Variants in SEC61A1 observed in about 807,000 individuals in gnomAD.
SEC61A1 encodes the protein protein transport protein Sec61 subunit alpha isoform 1.
SEC61A1 carries 15 observed loss-of-function variants against 55.2 expected under a neutral mutation model. The ratio of observed to expected loss-of-function variants is 0.27; its 90% CI spans 0.18 to 0.42. The LOEUF is 0.42. SEC61A1 is among the 10% of genes least tolerant of loss of function. The pLI, the probability that SEC61A1 is intolerant of heterozygous loss-of-function variation, is 1.00. For missense variants in SEC61A1, 284 were observed against 602.6 expected (o/e 0.47, Z 5.53); for synonymous variants, 247 against 234.0 (o/e 1.06, Z -0.51).
upstream of SEC61A1, chr3:128,051,863 C>T (rs1256753825): frequency 1.3e-6 from 2 of 1,536,042 alleles, no homozygotes; most frequent in South Asian, 2.4e-5. Flanking sequence ...CCCACACCCA[C>T]GACAAGCCTC....
chr3:128,064,740 G>A (rs1941910620), intron 7 of SEC61A1, 137 bp from the exon 8 acceptor site: 4 of 660,364 alleles, frequency 6.1e-6, no homozygotes, highest in Non-Finnish European at 1.0e-5. Flanking sequence ...AATACATGCT[G>A]TATCCCTGTG....
Position 128,060,491 on chromosome 3 carries a change from T to C in SEC61A1, c.463-17T>C. 6.2e-7 allele frequency: 1 copy of C among 1,613,704 alleles called. No individual in the cohort carries two copies. The highest frequency in any genetic ancestry group is 8.5e-7 in the Non-Finnish European group (1 of 1,179,672). ...GGGAGCAGTAACACATAGTCTTGTA[T>C]TTTTGAATTTTTACAGCTCTTTGTT... On this transcript the variant is annotated splice_polypyrimidine_tract_variant and intron_variant, in intron 6 of 11. Transcript: ENST00000243253.
At position 128,065,612 on chromosome 3, in the gene SEC61A1, G is replaced by A. The variant is rs531220201; in HGVS notation, c.777+575G>A. ...GAAAGGCAGTTTGATGTTTGTGAAA[G>A]GTATTTATACGAGCTACATGCTTTT... is the stretch of plus-strand genomic sequence containing the variant. On this transcript the variant is annotated intron_variant, in intron 8 of 11. Coordinates refer to ENST00000243253, the MANE Select transcript of SEC61A1 (RefSeq NM_013336.4). 2.0e-5 allele frequency among the ~76,000 whole-genome samples: 3 copies of A among 152,100 alleles called. No individual in the cohort carries two copies. In the East Asian group the frequency reaches 5.8e-4, roughly 29 times the overall value.
intron 7 of SEC61A1, among the ~76,000 whole-genome samples, chr3:128,064,551 A>G (rs1451584145): frequency 6.6e-6 from 1 of 152,194 alleles, no homozygotes; most frequent in African/African-American, 2.4e-5. Context: ...AGTCTGAGAT[A>G]GGATCACTTG....
At chr3:128,051,667 A>G, upstream of SEC61A1, 2 of 1,425,882 alleles carry the variant, frequency 1.4e-6, no homozygotes, top group Non-Finnish European at 1.8e-6. Context: ...TTTGCCCACA[A>G]CAGTCTCCTC....
upstream of SEC61A1, chr3:128,052,002 T>C (rs1049558740): frequency 3.1e-5 from 30 of 961,828 alleles, no homozygotes; most frequent in East Asian, 3.4e-4. Flanking sequence ...ATAAGGTCCC[T>C]GCTCCAGGGA....
chr3:128,066,116 T>G (rs1941970197), intron 8 of SEC61A1, among the ~76,000 whole-genome samples: 4 of 152,120 alleles, frequency 2.6e-5, no homozygotes, highest in Non-Finnish European at 5.9e-5. Flanking sequence ...AAATAAACCC[T>G]TTCTAGTCTC....
Position 128,067,198 on chromosome 3 carries a change from G to A in SEC61A1, c.975+47G>A, listed in dbSNP as rs746146263. On this transcript the variant is annotated intron_variant, in intron 9 of 11. Transcript: ENST00000243253. This position sits in a 1 kb window ranked among gnomAD's most constrained non-coding sequence, Gnocchi z 4.1. ...GAGCTAGCAATGCAGCTAAGTTGCA[G>A]TGGTTTCTATCAGTGTCTTGCTCAT... The A allele has an allele frequency of 1.3e-6, 2 of 1,553,508 alleles. No individual in the cohort carries two copies. Among genetic ancestry groups the A allele is most frequent in the East Asian group, 2.2e-5 (1 of 44,534 alleles).
Position 128,067,337 on chromosome 3 carries a change from T to C in SEC61A1, c.976-84T>C. ...GTGGGCACCGAGTAAAATTGCATTC[T>C]TTCATCTGCTCAGAACTATTTTTGC... On this transcript the variant is annotated intron_variant, in intron 9 of 11. Coordinates refer to ENST00000243253, the MANE Select transcript of SEC61A1 (RefSeq NM_013336.4). This position sits in a 1 kb window ranked among gnomAD's most constrained non-coding sequence, Gnocchi z 4.1. 1 of 1,445,262 alleles carries C rather than the reference T, an allele frequency of 6.9e-7. No homozygotes were observed. The highest frequency in any genetic ancestry group is 2.0e-5 in the Admixed American group (1 of 49,048). The allele number at this position is 1,445,262 out of a possible 1,614,324, so 89.5% of individuals were successfully genotyped here.
rs1941699517 is a variant in SEC61A1 at position 128,052,455 on chromosome 3, G to A, written c.-98G>A. ...TAGCACTGACGTGTCTCTCGGCGGA[G>A]CTGCTGTGCAGTGGAACGCGCTGGG... is the stretch of plus-strand genomic sequence containing the variant. On this transcript the variant is annotated 5_prime_UTR_variant, in exon 1 of 12. Coordinates refer to ENST00000243253, the MANE Select transcript of SEC61A1 (RefSeq NM_013336.4). The A allele has an allele frequency of 6.8e-7, 1 of 1,470,246 alleles. No homozygotes were observed. Among genetic ancestry groups the A allele is most frequent in the Non-Finnish European group, 9.0e-7 (1 of 1,109,494 alleles). 91.1% of individuals were successfully genotyped at this position (1,470,246 alleles called of 1,614,324 possible).
intron 5 of SEC61A1, among the ~76,000 whole-genome samples, chr3:128,057,939 A>G (rs2107642915): frequency 6.6e-6 from 1 of 152,142 alleles, no homozygotes; most frequent in Non-Finnish European, 1.5e-5. Context: ...TGATCTGGGG[A>G]AAAGTTAGAT....
rs181439417 is a variant in SEC61A1 at position 128,056,288 on chromosome 3, T to C, written c.221-421T>C. On this transcript the variant is annotated intron_variant, in intron 4 of 11. Coordinates refer to ENST00000243253, the MANE Select transcript of SEC61A1 (RefSeq NM_013336.4). ...CCAAATCAGTTGGAAGTGTAGCTCA[T>C]TTTAACATAATGGGAAGTAGAGGCT... 9.3e-4 allele frequency among the ~76,000 whole-genome samples: 142 copies of C among 152,344 alleles called. 1 individual carries two copies. The highest frequency in any genetic ancestry group is 3.4e-3 in the Middle Eastern group (1 of 294).
In SEC61A1 at chr3:128,071,254, C is replaced by T. The variant is rs1942159310; in HGVS notation, c.*1592C>T. 1 of 152,560 alleles carries T rather than the reference C, an allele frequency of 6.6e-6. No individual in the cohort carries two copies. Among genetic ancestry groups the T allele is most frequent in the African/African-American group, 2.4e-5 (1 of 41,472 alleles). The allele number at this position is 152,560 out of a possible 1,614,324, so 9.5% of individuals were successfully genotyped here. A position where few individuals can be genotyped will look rare whatever the true frequency, so the allele number is the denominator to read the frequency against. On this transcript the variant is annotated 3_prime_UTR_variant, in exon 12 of 12. Transcript: ENST00000243253. ...CCAGGCTCCTCCATATGGCCCAGGG[C>T]TTACCACCCTATCACACGTGGCCTT...
chr3:128,068,620 G>C (rs1044323413), intron 11 of SEC61A1: 1 of 153,812 alleles, frequency 6.5e-6, no homozygotes, highest in Non-Finnish European at 1.4e-5. Flanking sequence ...GAGAGGGAGA[G>C]GGGGAGGCCA....
chr3:128,064,630 CGA>C (rs954325683), intron 7 of SEC61A1: 19 of 474,624 alleles, frequency 4.0e-5, no homozygotes, highest in Non-Finnish European at 6.4e-5. Flanking sequence ...CCTAGGCAGC[CGA>C]GAGAGAGGGA....
rs1431431058 is a variant in SEC61A1 at position 128,067,530 on chromosome 3, T to G, written c.1085T>G (p.Val362Gly). Residue 362 changes from valine to glycine, a missense_variant, in exon 10 of 12, where the codon GTT becomes GGT. Coordinates refer to ENST00000243253, the MANE Select transcript of SEC61A1 (RefSeq NM_013336.4). This position sits in a 1 kb window ranked among gnomAD's most constrained non-coding sequence, Gnocchi z 4.1. ...GTGTTAGAAGACCCGGTCCATGCAG[T>G]TGTATACATAGTGTTCATGCTGGGC... The part of the protein sequence containing the change: ...GSVLEDPVHA[V>G]VYIVFMLGSC... The G allele has an allele frequency of 2.5e-6, 4 of 1,614,126 alleles. No homozygotes were observed. Among genetic ancestry groups the G allele is most frequent in the Non-Finnish European group, 3.4e-6 (4 of 1,180,004 alleles).
rs931444711 is a variant in SEC61A1, at chr3:128,060,409, C to T, written c.463-99C>T. ...TGGGGCTGAGGATGTGATCTCATTCCGTCTTCAGCGTTTATATCAGAGAAC... is the reference window on the plus strand; with the variant it reads ...TGGGGCTGAGGATGTGATCTCATTCTGTCTTCAGCGTTTATATCAGAGAAC... On this transcript the variant is annotated intron_variant, in intron 6 of 11. Coordinates refer to ENST00000243253, the MANE Select transcript of SEC61A1 (RefSeq NM_013336.4). 24 of 1,325,464 alleles carry T rather than the reference C, an allele frequency of 1.8e-5. No homozygotes were observed. The East Asian group carries it at 2.3e-4, about 13-fold the overall frequency. The allele number at this position is 1,325,464 out of a possible 1,614,324, so 82.1% of individuals were successfully genotyped here. A position where few individuals can be genotyped will look rare whatever the true frequency, so the allele number is the denominator to read the frequency against.
chr3:128,065,866 C>T (rs909295395), intron 8 of SEC61A1, among the ~76,000 whole-genome samples: 3 of 151,076 alleles, frequency 2.0e-5, no homozygotes, highest in African/African-American at 7.3e-5. Context: ...CTCAGCCTCC[C>T]GAGTAGATGG....
chr3:128,065,334 C>A, intron 8 of SEC61A1: 1 of 584,864 alleles, frequency 1.7e-6, no homozygotes, highest in Middle Eastern at 3.1e-4. Context: ...TCAAGAGAAG[C>A]AAAAAGTACT....
Sources: allele counts gnomAD v4.1 joint callset (sites outside exome capture counted in the v4.1 genomes callset), GRCh38; gene constraint gnomAD v4.1.1; non-coding constraint Gnocchi (gnomAD v3.1); transcripts MANE v1.5; gene names NCBI Gene and HGNC (gene_info 2026-07-23, HGNC 2026-07-21).